THEMIS: variants seen among roughly 807,000 people sequenced by gnomAD.
THEMIS encodes the protein thymocyte selection associated, also known as protein THEMIS.
THEMIS carries 37 observed loss-of-function variants against 52.6 expected under a neutral mutation model. The observed-to-expected ratio is 0.70, with a 90% CI of 0.54 to 0.93. The LOEUF (loss-of-function observed/expected upper bound fraction) is 0.93. Ranked by LOEUF, THEMIS falls within the 40% of genes least tolerant of loss-of-function variation. The pLI is 0.00. For missense variants in THEMIS, 808 were observed against 763.1 expected, an observed-to-expected ratio of 1.06 and a Z score of -0.69; for synonymous variants, 292 against 272.7, an observed-to-expected ratio of 1.07 and a Z score of -0.70.
intron 3 of THEMIS, among the ~76,000 whole-genome samples, chr6:127,828,019 A>G (rs1361917326): frequency 6.6e-6 from 1 of 151,986 alleles, no homozygotes; most frequent in Non-Finnish European, 1.5e-5. Context: ...CTGCTTCCCC[A>G]ATACCACTCC....
chr6:127,737,394 T>C (rs1163261200), intron 4 of THEMIS, among the ~76,000 whole-genome samples: 1 of 152,218 alleles, frequency 6.6e-6, no homozygotes, highest in African/African-American at 2.4e-5. Context: ...GCACCTTTTC[T>C]TGATGCTCAG....
intron 3 of THEMIS, among the ~76,000 whole-genome samples, chr6:127,820,570 A>G (rs1349602788): frequency 6.6e-6 from 1 of 152,126 alleles, no homozygotes; most frequent in Non-Finnish European, 1.5e-5. Flanking sequence ...AAAATATTTC[A>G]GATTAAGAAA....
At chr6:127,843,399 A>T (rs1779115723) in intron 2 of THEMIS, among the ~76,000 whole-genome samples, 1 of 151,950 alleles carries the variant, frequency 6.6e-6, no homozygotes, top group Non-Finnish European at 1.5e-5. Flanking sequence ...GAGCACTTGA[A>T]ATGTGGCTAC....
At chr6:127,703,087 G>A (rs542972094), downstream of THEMIS, among the ~76,000 whole-genome samples, 10 of 107,892 alleles carry the variant, frequency 9.3e-5, no homozygotes, top group East Asian at 2.7e-4. Context: ...TCGCTCTGTC[G>A]CCCAGGCTGG....
intron 4 of THEMIS, among the ~76,000 whole-genome samples, chr6:127,754,534 T>A (rs1026163772): frequency 6.6e-6 from 1 of 152,206 alleles, no homozygotes; most frequent in Non-Finnish European, 1.5e-5. Context: ...AGCAAAATGC[T>A]TCTTTGATCA....
chr6:127,775,743 T>C (rs894718587), intron 4 of THEMIS, among the ~76,000 whole-genome samples: 1 of 152,220 alleles, frequency 6.6e-6, no homozygotes, highest in Non-Finnish European at 1.5e-5. Flanking sequence ...ATTTACTCTT[T>C]AATATCTGGC....
At position 127,729,788 on chromosome 6, in the gene THEMIS, A is replaced by C. The variant is rs564414449; in HGVS notation, c.1759-9965T>G. Among the ~76,000 whole-genome samples the C allele has an allele frequency of 2.0e-5, 3 of 152,302 alleles. No individual in the cohort carries two copies. The East Asian group carries it at 5.8e-4, about 29-fold the overall frequency. On this transcript the variant is annotated intron_variant, in intron 4 of 5. Transcript: ENST00000368248. ...GCTTTATAATTAAGTTCATTCGAGT[A>C]ATGAGTTTTCATGGCTGTCACCACT... is the stretch of plus-strand genomic sequence containing the variant.
chr6:127,824,899 T>A (rs112107639), intron 3 of THEMIS, among the ~76,000 whole-genome samples: 2,197 of 151,862 alleles, frequency 0.014, 70 homozygotes, highest in African/African-American at 0.05. Flanking sequence ...CACTCCAGCC[T>A]GGGCGACAGA....
At chr6:127,758,724 G>T (rs550947191) in intron 4 of THEMIS, among the ~76,000 whole-genome samples, 7 of 151,940 alleles carry the variant, frequency 4.6e-5, no homozygotes, top group African/African-American at 1.4e-4. Flanking sequence ...AAAATGTTTA[G>T]AGTATGTAGA....
At chr6:127,886,175 A>T (rs893123017) in intron 1 of THEMIS, among the ~76,000 whole-genome samples, 9 of 152,000 alleles carry the variant, frequency 5.9e-5, no homozygotes, top group African/African-American at 2.2e-4. Flanking sequence ...TCTTTGGTTA[A>T]CTCCCTCACT....
intron 4 of THEMIS, among the ~76,000 whole-genome samples, chr6:127,790,344 G>T (rs1777115296): frequency 6.6e-6 from 1 of 152,058 alleles, no homozygotes; most frequent in Admixed American, 6.6e-5. Context: ...CACAATTGTT[G>T]AATGAAAATA....
rs371113027 is a variant in THEMIS at position 127,723,511 on chromosome 6, T to A, written c.1759-3688A>T. Among the ~76,000 whole-genome samples the A allele has an allele frequency of 3.7e-4, 56 of 152,120 alleles. 3 individuals are homozygous for A. The South Asian group carries it at 5.2e-3, about 14-fold the overall frequency. ...TAATTTCAGCAATCATGTAGCTTGA[T>A]CTACCACCTGTATGTTTATGACTCC... On this transcript the variant is annotated intron_variant, in intron 4 of 5. Coordinates refer to ENST00000368248, the MANE Select transcript of THEMIS (RefSeq NM_001010923.3).
At position 127,813,075 on chromosome 6, in the gene THEMIS, A is replaced by G; in HGVS notation, c.1566T>C (p.Asp522=). 2 of 1,614,142 alleles carry G rather than the reference A, an allele frequency of 1.2e-6. No individual in the cohort carries two copies. The highest frequency in any genetic ancestry group is 2.2e-5 in the South Asian group (2 of 91,082). The change falls in exon 4 of 6, where the codon GAT becomes GAC. Residue 522 remains aspartate, a synonymous_variant. Transcript: ENST00000368248. ...TVQLVSNFSR[D]AEPFLVRTLV... The stretch of plus-strand genomic sequence containing the variant: ...GAGTCCTGACTAGAAATGGTTCTGC[A>G]TCCCTAGAGAAATTACTAACTAACT...
intron 3 of THEMIS, among the ~76,000 whole-genome samples, chr6:127,814,892 T>C (rs117063324): frequency 1.3e-5 from 2 of 152,312 alleles, no homozygotes; most frequent in East Asian, 3.9e-4. Context: ...CACTGTGTCT[T>C]ATGCCTGTAA....
At chr6:127,793,150 G>A (rs1777213927) in intron 4 of THEMIS, among the ~76,000 whole-genome samples, 1 of 152,194 alleles carries the variant, frequency 6.6e-6, no homozygotes, top group Non-Finnish European at 1.5e-5. Flanking sequence ...CTATTGCACA[G>A]AATCAAAAGC....
At chr6:127,874,121 G>C (rs982862602) in intron 1 of THEMIS, among the ~76,000 whole-genome samples, 1 of 152,190 alleles carries the variant, frequency 6.6e-6, no homozygotes, top group African/African-American at 2.4e-5. Flanking sequence ...ACGAGAATGA[G>C]CTCACTTTTT....
At chr6:127,743,528 T>C (rs147786218) in intron 4 of THEMIS, among the ~76,000 whole-genome samples, 2 of 152,216 alleles carry the variant, frequency 1.3e-5, no homozygotes, top group African/African-American at 4.8e-5. Flanking sequence ...AGTCCTTAAA[T>C]GTAATGGGAG....
At chr6:127,769,388 T>C (rs1410005268) in intron 4 of THEMIS, among the ~76,000 whole-genome samples, 1 of 151,144 alleles carries the variant, frequency 6.6e-6, no homozygotes, top group Non-Finnish European at 1.5e-5. Flanking sequence ...TGCTTGGCAG[T>C]GCATTAAGTG....
intron 4 of THEMIS, among the ~76,000 whole-genome samples, chr6:127,775,070 A>G (rs1210276598): frequency 6.6e-6 from 1 of 152,132 alleles, no homozygotes; most frequent in Non-Finnish European, 1.5e-5. Context: ...GCTACCTACC[A>G]TTTCACCTGG....
Sources: gnomAD v4.1 joint callset for allele counts (sites outside exome capture counted in the v4.1 genomes callset) on GRCh38, gnomAD v4.1.1 for gene constraint, MANE v1.5 for transcripts, NCBI Gene and HGNC (gene_info 2026-07-23, HGNC 2026-07-21) for gene names.